Variants in HEATR5A observed in about 807,000 individuals in gnomAD.
HEATR5A encodes the protein HEAT repeat containing 5A, also known as HEAT repeat-containing protein 5A.
In HEATR5A, 178 loss-of-function variants were observed where a neutral mutation model predicts 218.8. That is an observed-to-expected ratio of 0.81 (90% CI 0.72 to 0.92). The LOEUF (loss-of-function observed/expected upper bound fraction) is 0.92. Ranked by LOEUF, HEATR5A falls within the 40% of genes least tolerant of loss-of-function variation. The probability of loss-of-function intolerance (pLI) is 0.00; values close to 1 mark genes in which losing one functional copy is unlikely to be tolerated. For synonymous variants in HEATR5A, 864 were observed against 871.6 expected, an observed-to-expected ratio of 0.99 and a Z score of 0.15; for missense variants, 2,420 against 2,418.9, an observed-to-expected ratio of 1.00 and a Z score of -0.01.
intron 1 of HEATR5A, among the ~76,000 whole-genome samples, chr14:31,408,306 G>A (rs866593629): frequency 6.6e-6 from 1 of 151,846 alleles, no homozygotes; most frequent in Non-Finnish European, 1.5e-5. Flanking sequence ...TAGACTAAAG[G>A]GTCAAATTTT....
chr14:31,372,588 G>A (rs1221670421), intron 12 of HEATR5A, among the ~76,000 whole-genome samples: 2 of 152,146 alleles, frequency 1.3e-5, no homozygotes, highest in Non-Finnish European at 2.9e-5. Flanking sequence ...CAGCACTTTG[G>A]GAGGCTGAGG....
intron 1 of HEATR5A, among the ~76,000 whole-genome samples, chr14:31,412,747 C>T (rs1340029685): frequency 6.6e-6 from 1 of 152,066 alleles, no homozygotes; most frequent in African/African-American, 2.4e-5. Flanking sequence ...GTGGCAGGCG[C>T]CTGTAATCCC....
At position 31,349,955 on chromosome 14, in the gene HEATR5A, A is replaced by C; in HGVS notation, c.2542T>G (p.Leu848Val). 6.3e-7 allele frequency: 1 copy of C among 1,593,866 alleles called. No individual in the cohort carries two copies. The highest frequency in any genetic ancestry group is 1.1e-5 in the South Asian group (1 of 87,892). ...AATCTTTTCATTTCTTCTGGACCTA[A>C]ACATCCCTTGGAGCCAGCCACGTAC... ...LKYVAGSKGC[L>V]GPEEMKRFAL... is the part of the protein sequence containing the mutation. The change falls in exon 18 of 36, where the codon TTA becomes GTA. Residue 848 changes from leucine (L) to valine (V), a missense_variant. By Grantham distance (32) the Leu-to-Val change is conservative. Coordinates refer to ENST00000543095, the MANE Select transcript of HEATR5A (RefSeq NM_015473.4).
chr14:31,383,892 A>G (rs1189446382), intron 9 of HEATR5A, 121 bp from the exon 10 acceptor site: 1 of 695,220 alleles, frequency 1.4e-6, no homozygotes, highest in Non-Finnish European at 2.2e-6. Context: ...GCCACATTAT[A>G]ATAGAAAAAT....
At chr14:31,413,762 C>T (rs543593452) in intron 1 of HEATR5A, among the ~76,000 whole-genome samples, 4 of 152,092 alleles carry the variant, frequency 2.6e-5, no homozygotes, top group African/African-American at 9.6e-5. Context: ...GAAATTTGTC[C>T]GAGGCTGAAA....
chr14:31,353,101 TA>T (rs752083079), intron 16 of HEATR5A, among the ~76,000 whole-genome samples: 11 of 148,468 alleles, frequency 7.4e-5, no homozygotes, highest in East Asian at 1.9e-4. Context: ...AAAAGCACAT[TA>T]AAAAAAAAAT....
In HEATR5A at chr14:31,375,324, A is replaced by G. The variant is rs370531022; in HGVS notation, c.1709-356T>C. Among the ~76,000 whole-genome samples, 54 of 152,328 alleles carry G rather than the reference A, an allele frequency of 3.5e-4. 1 individual carries two copies. Among genetic ancestry groups the G allele is most frequent in the African/African-American group, 1.3e-3 (52 of 41,574 alleles). ...AGGTCCAAATGATAGAATGCACTTT[A>G]AAGTACTCTGAAAAGCTGTAATGGA... On this transcript the variant is annotated intron_variant, in intron 11 of 35. Coordinates refer to ENST00000543095, the MANE Select transcript of HEATR5A (RefSeq NM_015473.4).
intron 25 of HEATR5A, 117 bp downstream of exon 25, chr14:31,321,382 C>CCT: frequency 1.5e-6 from 1 of 675,618 alleles, no homozygotes; most frequent in South Asian, 2.7e-5. Context: ...CTCAAAGCTA[C>CCT]CTACCCGCCT....
At chr14:31,335,158 T>C (rs924598417) in intron 22 of HEATR5A, among the ~76,000 whole-genome samples, 5 of 152,012 alleles carry the variant, frequency 3.3e-5, no homozygotes, top group Admixed American at 2.6e-4. Flanking sequence ...TTTTTAGCCA[T>C]AATGCTATTT....
intron 19 of HEATR5A, among the ~76,000 whole-genome samples, chr14:31,347,032 T>C (rs1050290372): frequency 1.3e-5 from 2 of 152,202 alleles, no homozygotes; most frequent in Admixed American, 1.3e-4. Flanking sequence ...AGCTTTTCAG[T>C]TGTGAGCAAG....
chr14:31,324,384 GT>G (rs1900199509), intron 23 of HEATR5A, among the ~76,000 whole-genome samples: 1 of 152,118 alleles, frequency 6.6e-6, no homozygotes, highest in Non-Finnish European at 1.5e-5. Flanking sequence ...CTTACAAACT[GT>G]TTAACAACTG....
intron 18 of HEATR5A, among the ~76,000 whole-genome samples, chr14:31,349,532 A>G (rs1901142128): frequency 6.6e-6 from 1 of 152,200 alleles, no homozygotes; most frequent in Non-Finnish European, 1.5e-5. Flanking sequence ...AGTCCATCCC[A>G]TTGATGATCA....
At position 31,317,294 on chromosome 14, in the gene HEATR5A, A is replaced by ATT. The variant is rs35394095; in HGVS notation, c.4038+928_4038+929dup. On this transcript the variant is annotated intron_variant, in intron 26 of 35. Transcript: ENST00000543095. ...ATTAGTTCAGGTCATCCCGGGCTAG[A>ATT]TTTTTTTTTTTTTTTTTTTTTTTTT... 2.6e-4 allele frequency among the ~76,000 whole-genome samples: 17 copies of ATT among 64,178 alleles called. 1 individual carries two copies. The highest frequency in any genetic ancestry group is 8.3e-4 in the African/African-American group (13 of 15,606). The allele number at this position is 64,178 out of a possible 152,430, so 42.1% of individuals were successfully genotyped here.
chr14:31,345,751 GT>G (rs1900998145), intron 19 of HEATR5A, among the ~76,000 whole-genome samples: 1 of 152,180 alleles, frequency 6.6e-6, no homozygotes, highest in Non-Finnish European at 1.5e-5. Context: ...TAGGATAGTG[GT>G]TATCCTTGGT....
At chr14:31,300,450 C>A (rs765564098) in intron 33 of HEATR5A, among the ~76,000 whole-genome samples, 1 of 151,962 alleles carries the variant, frequency 6.6e-6, no homozygotes, top group Non-Finnish European at 1.5e-5. Flanking sequence ...TCCTTTAAGG[C>A]GTTGACTCTT....
chr14:31,331,580 T>A (rs994519934), intron 22 of HEATR5A, among the ~76,000 whole-genome samples: 3 of 152,218 alleles, frequency 2.0e-5, no homozygotes, highest in African/African-American at 7.2e-5. Flanking sequence ...AATTTTTGGG[T>A]ATCTTTATAG....
At chr14:31,350,075 T>A in intron 17 of HEATR5A, 96 bp from the exon 18 acceptor site, 1 of 709,932 alleles carries the variant, frequency 1.4e-6, no homozygotes, top group Non-Finnish European at 2.1e-6. Context: ...CCAAATATGT[T>A]CATACTTGGA....
At chr14:31,341,252 CAAAAG>C (rs144138937) in intron 21 of HEATR5A, among the ~76,000 whole-genome samples, 263 of 152,062 alleles carry the variant, frequency 1.7e-3, no homozygotes, top group East Asian at 0.011. Context: ...CTAATGTACC[CAAAAG>C]AAAAGTCTGA....
intron 11 of HEATR5A, among the ~76,000 whole-genome samples, chr14:31,376,463 T>C (rs1183302727): frequency 1.3e-5 from 2 of 152,226 alleles, no homozygotes; most frequent in African/African-American, 4.8e-5. Context: ...CAGCAAGCTA[T>C]GGTCTGACTG....
Sources: gnomAD v4.1 joint callset for allele counts (sites outside exome capture counted in the v4.1 genomes callset) on GRCh38, gnomAD v4.1.1 for gene constraint, MANE v1.5 for transcripts, NCBI Gene and HGNC (gene_info 2026-07-23, HGNC 2026-07-21) for gene names.